OPCML: variants seen among roughly 807,000 people sequenced by gnomAD.
The protein encoded by OPCML is opioid binding protein/cell adhesion molecule like, also known as opioid-binding protein/cell adhesion molecule.
A neutral mutation model predicts 37.8 loss-of-function variants in OPCML; 13 were observed. That is an observed-to-expected ratio of 0.34 (90% CI 0.22 to 0.55). The LOEUF (loss-of-function observed/expected upper bound fraction) is 0.55. Ranked by LOEUF, OPCML falls within the 20% of genes least tolerant of loss-of-function variation. The probability of loss-of-function intolerance (pLI) is 0.91; values close to 1 mark genes in which losing one functional copy is unlikely to be tolerated. For missense variants in OPCML, 341 were observed against 435.6 expected, an observed-to-expected ratio of 0.78 and a Z score of 1.93; for synonymous variants, 176 against 168.8, an observed-to-expected ratio of 1.04 and a Z score of -0.33.
intron 3 of OPCML, among the ~76,000 whole-genome samples, chr11:132,544,103 A>G (rs908562767): frequency 7.9e-5 from 12 of 152,178 alleles, no homozygotes; most frequent in African/African-American, 2.9e-4. Context: ...GGTATATTCA[A>G]TACCGGCCTA....
At chr11:132,828,692 C>G (rs1343284984) in intron 2 of OPCML, among the ~76,000 whole-genome samples, 2 of 152,156 alleles carry the variant, frequency 1.3e-5, no homozygotes, top group South Asian at 4.2e-4. Context: ...AAATGACAAA[C>G]TTTTGGGTAT....
chr11:132,527,928 G>GAAA (rs2096312955), intron 4 of OPCML, among the ~76,000 whole-genome samples: 2 of 151,640 alleles, frequency 1.3e-5, no homozygotes, highest in Non-Finnish European at 2.9e-5. Flanking sequence ...AGAGATCAGG[G>GAAA]TAATATATTT....
chr11:132,895,223 T>C (rs930363189), intron 2 of OPCML, among the ~76,000 whole-genome samples: 11 of 152,210 alleles, frequency 7.2e-5, no homozygotes, highest in Non-Finnish European at 1.6e-4. Context: ...AATTCACCAC[T>C]TATAAGAGAC....
intron 3 of OPCML, among the ~76,000 whole-genome samples, chr11:132,618,994 CACA>C (rs1297607335): frequency 8.9e-6 from 1 of 111,902 alleles, no homozygotes; most frequent in African/African-American, 3.6e-5. Context: ...CACACACACA[CACA>C]CACCGTGTTT....
chr11:132,520,862 G>A (rs545438911), intron 4 of OPCML, among the ~76,000 whole-genome samples: 1 of 152,172 alleles, frequency 6.6e-6, no homozygotes, highest in South Asian at 2.1e-4. Flanking sequence ...CTTTATAGTA[G>A]AATGATTTAT....
chr11:133,338,764 A>G (rs1215557685), intron 1 of OPCML, among the ~76,000 whole-genome samples: 4 of 152,164 alleles, frequency 2.6e-5, no homozygotes, highest in Non-Finnish European at 4.4e-5. Context: ...TCTGGAAAGG[A>G]GTGTGTCTGC....
At chr11:133,389,928 C>T (rs1206533820) in intron 1 of OPCML, among the ~76,000 whole-genome samples, 2 of 152,182 alleles carry the variant, frequency 1.3e-5, no homozygotes, top group Non-Finnish European at 2.9e-5. Context: ...CTAAAGCCCC[C>T]ATGAAAGAAA....
At chr11:132,574,031 T>C (rs908407513) in intron 3 of OPCML, among the ~76,000 whole-genome samples, 7 of 151,950 alleles carry the variant, frequency 4.6e-5, no homozygotes, top group Non-Finnish European at 8.8e-5. Context: ...CATAGTAGTC[T>C]TTCATGTTCT....
chr11:132,853,808 C>T (rs1400004678), intron 2 of OPCML, among the ~76,000 whole-genome samples: 1 of 152,126 alleles, frequency 6.6e-6, no homozygotes, highest in Non-Finnish European at 1.5e-5. Context: ...AAAACACAAA[C>T]AAAACTATTT....
At position 133,095,527 on chromosome 11, in the gene OPCML, CA is replaced by C. The variant is rs574548840; in HGVS notation, c.62-152518del. Among the ~76,000 whole-genome samples the C allele has an allele frequency of 1.9e-3, 281 of 146,198 alleles. 4 individuals carry two copies. The highest frequency in any genetic ancestry group is 6.4e-3 in the African/African-American group (254 of 39,498). The stretch of plus-strand genomic sequence containing the variant: ...AATGAAAGGATGGATTTAGTACCTT[CA>C]AAAAAATGCAGAAAGCTTACCTATT... On this transcript the variant is annotated intron_variant, in intron 1 of 7. Coordinates refer to ENST00000524381, the MANE Select transcript of OPCML (RefSeq NM_001012393.5).
At chr11:133,006,958 G>T (rs1022585568) in intron 1 of OPCML, 2 of 985,300 alleles carry the variant, frequency 2.0e-6, no homozygotes, top group Non-Finnish European at 2.4e-6. Flanking sequence ...ATAAATGTCT[G>T]CAAAATACCT....
At chr11:132,754,477 C>T (rs145537073) in intron 2 of OPCML, among the ~76,000 whole-genome samples, 45 of 152,286 alleles carry the variant, frequency 3.0e-4, no homozygotes, top group East Asian at 9.6e-4. Context: ...GATTGTGAGG[C>T]TTCCCAGCCA....
intron 1 of OPCML, among the ~76,000 whole-genome samples, chr11:133,367,494 T>C (rs919381255): frequency 2.0e-5 from 3 of 152,196 alleles, no homozygotes; most frequent in African/African-American, 7.2e-5. Flanking sequence ...TGGCACCACT[T>C]TCAACAGCTA....
chr11:132,725,778 C>CA (rs34622834), intron 2 of OPCML, among the ~76,000 whole-genome samples: 1,119 of 73,610 alleles, frequency 0.015, 14 homozygotes, highest in African/African-American at 0.035. Flanking sequence ...GACTCCATCT[C>CA]AAAAAAAAAA....
intron 1 of OPCML, among the ~76,000 whole-genome samples, chr11:133,106,902 C>T (rs375953187): frequency 9.2e-5 from 14 of 152,220 alleles, no homozygotes; most frequent in Admixed American, 8.5e-4. Flanking sequence ...AGACTGCAGA[C>T]TGCCCACTGC....
chr11:132,608,641 A>T (rs1938450992), intron 3 of OPCML, among the ~76,000 whole-genome samples: 1 of 152,130 alleles, frequency 6.6e-6, no homozygotes, highest in South Asian at 2.1e-4. Context: ...TGCAAATATG[A>T]CCTGTAGCAG....
chr11:133,464,693 A>C (rs1385099425), intron 1 of OPCML, among the ~76,000 whole-genome samples: 1 of 152,176 alleles, frequency 6.6e-6, no homozygotes, highest in Non-Finnish European at 1.5e-5. Flanking sequence ...TGAGGTGGAC[A>C]CAAATAGAGA....
Position 132,418,380 on chromosome 11 carries a change from G to GACA in OPCML, c.*1810_*1812dup, listed in dbSNP as rs1469840707. 1.3e-5 allele frequency: 2 copies of GACA among 152,458 alleles called. No individual in the cohort carries two copies. Among genetic ancestry groups the GACA allele is most frequent in the East Asian group, 3.9e-4 (2 of 5,176 alleles). The allele number at this position is 152,458 out of a possible 1,614,324, so 9.4% of individuals were successfully genotyped here. ...TGGATGAGTCCTTCTCGTCCCAGGAGACAAGACAGCAAAGGTGGCTCAGCT... is the reference window on the plus strand; with the variant it reads ...TGGATGAGTCCTTCTCGTCCCAGGAGACAACAAGACAGCAAAGGTGGCTCAGCT... On this transcript the variant is annotated 3_prime_UTR_variant, in exon 8 of 8. Transcript: ENST00000524381.
At chr11:133,247,148 T>C (rs1940951398) in intron 1 of OPCML, among the ~76,000 whole-genome samples, 1 of 152,070 alleles carries the variant, frequency 6.6e-6, no homozygotes, top group African/African-American at 2.4e-5. Context: ...ATGAACAGAC[T>C]CTATAAACAT....
Sources: allele counts gnomAD v4.1 joint callset (sites outside exome capture counted in the v4.1 genomes callset), GRCh38; gene constraint gnomAD v4.1.1; transcripts MANE v1.5; gene names NCBI Gene and HGNC (gene_info 2026-07-23, HGNC 2026-07-21).